Variants in SLIT2 observed in about 807,000 individuals in gnomAD.
The protein encoded by SLIT2 is slit guidance ligand 2, also known as slit homolog 2 protein.
Under a neutral mutation model 185.7 loss-of-function variants are expected in SLIT2, and 41 were observed. That is an observed-to-expected ratio of 0.22 (90% CI 0.17 to 0.29). The LOEUF is 0.29. Among genes scored for constraint, SLIT2 ranks in the 10% least tolerant of loss-of-function variants. SLIT2 has a pLI of 1.00. For synonymous variants in SLIT2, 693 were observed against 680.2 expected (o/e 1.02, Z -0.29); for missense variants, 1,571 against 1,909.0 (o/e 0.82, Z 3.30).
chr4:20,332,050 C>T (rs1370137106), intron 4 of SLIT2, among the ~76,000 whole-genome samples: 2 of 152,160 alleles, frequency 1.3e-5, no homozygotes, highest in Non-Finnish European at 2.9e-5. Flanking sequence ...GTTGTTTCCT[C>T]TTTTTAGCTG....
At chr4:20,581,660 C>A (rs766773597) in intron 29 of SLIT2, among the ~76,000 whole-genome samples, 9 of 152,182 alleles carry the variant, frequency 5.9e-5, no homozygotes, top group Non-Finnish European at 1.2e-4. Context: ...CACCCCTACC[C>A]TGTACAAGTG....
intron 4 of SLIT2, among the ~76,000 whole-genome samples, chr4:20,424,657 T>A (rs1221938216): frequency 1.3e-5 from 2 of 152,148 alleles, no homozygotes; most frequent in Non-Finnish European, 2.9e-5. Context: ...GCCAAGTGTG[T>A]CACTAAGAAA....
chr4:20,449,064 AT>A (rs932735502), intron 4 of SLIT2, among the ~76,000 whole-genome samples: 6 of 152,084 alleles, frequency 3.9e-5, no homozygotes, highest in African/African-American at 1.2e-4. Flanking sequence ...TTGAAAATTA[AT>A]TTTTTGTTAT....
chr4:20,558,583 G>T (rs755577703), intron 26 of SLIT2, among the ~76,000 whole-genome samples: 1 of 151,874 alleles, frequency 6.6e-6, no homozygotes, highest in Non-Finnish European at 1.5e-5. Context: ...ACTTTATTGC[G>T]GTAGTCTGGA....
rs79942993 is a variant in SLIT2, at chr4:20,457,562, C to T, written c.396-10190C>T. On this transcript the variant is annotated intron_variant, in intron 4 of 36. Transcript: ENST00000504154. The stretch of plus-strand genomic sequence containing the variant: ...CTTTTTTGATGATCATCTGCTGTCC[C>T]CAACACTTCAAGCAGTAACAGAGTA... Among the ~76,000 whole-genome samples, 24 of 152,006 alleles carry T rather than the reference C, an allele frequency of 1.6e-4. No individual in the cohort carries two copies. The East Asian group carries it at 4.7e-3, about 29-fold the overall frequency.
At chr4:20,425,871 A>G (rs58036148) in intron 4 of SLIT2, among the ~76,000 whole-genome samples, 17,769 of 152,158 alleles carry the variant, frequency 0.12, 1,067 homozygotes, top group African/African-American at 0.15. Context: ...ATGCTTTTTC[A>G]TATGTCCCTT....
At chr4:20,345,460 C>A (rs1721307965) in intron 4 of SLIT2, among the ~76,000 whole-genome samples, 1 of 151,692 alleles carries the variant, frequency 6.6e-6, no homozygotes, top group Non-Finnish European at 1.5e-5. Context: ...CTTTAAAAAT[C>A]TGGCTCTTTC....
intron 4 of SLIT2, among the ~76,000 whole-genome samples, chr4:20,331,071 A>G (rs2109199386): frequency 6.6e-6 from 1 of 152,240 alleles, no homozygotes; most frequent in Middle Eastern, 3.4e-3. Flanking sequence ...AGGACACATG[A>G]CTGTGTTGTA....
intron 9 of SLIT2, among the ~76,000 whole-genome samples, chr4:20,493,202 T>G (rs1717935586): frequency 6.6e-6 from 1 of 152,156 alleles, no homozygotes; most frequent in Non-Finnish European, 1.5e-5. Context: ...TAGTTGAACC[T>G]AATTAGAATA....
intron 29 of SLIT2, among the ~76,000 whole-genome samples, chr4:20,584,885 T>C (rs751327156): frequency 3.9e-5 from 6 of 152,022 alleles, no homozygotes; most frequent in African/African-American, 1.4e-4. Context: ...TGAAACCCCG[T>C]CTCTACTTAA....
intron 4 of SLIT2, among the ~76,000 whole-genome samples, chr4:20,462,412 A>G (rs1030216592): frequency 3.3e-5 from 5 of 152,172 alleles, no homozygotes; most frequent in Non-Finnish European, 7.3e-5. Flanking sequence ...AATCCTGTGC[A>G]TTGTTAGCAT....
At chr4:20,482,073 A>T (rs1302527250) in intron 6 of SLIT2, among the ~76,000 whole-genome samples, 1 of 152,026 alleles carries the variant, frequency 6.6e-6, no homozygotes, top group African/African-American at 2.4e-5. Flanking sequence ...AAACTCACTG[A>T]TGGTATCTCA....
intron 4 of SLIT2, among the ~76,000 whole-genome samples, chr4:20,386,558 C>T (rs1724951922): frequency 6.6e-6 from 1 of 152,132 alleles, no homozygotes; most frequent in Admixed American, 6.5e-5. Context: ...TGCAATAATA[C>T]CAATGTGCAA....
intron 8 of SLIT2, chr4:20,490,880 A>G: frequency 1.6e-6 from 2 of 1,256,702 alleles, no homozygotes; most frequent in Non-Finnish European, 2.2e-6. Context: ...TTAGAGGGAT[A>G]GAATTAGCAG....
intron 34 of SLIT2, among the ~76,000 whole-genome samples, chr4:20,611,678 C>A (rs919676907): frequency 6.6e-6 from 1 of 152,156 alleles, no homozygotes; most frequent in African/African-American, 2.4e-5. Context: ...ACAAGCATAC[C>A]TGTGATTTGA....
At chr4:20,312,922 G>T (rs1718252996) in intron 4 of SLIT2, among the ~76,000 whole-genome samples, 1 of 151,712 alleles carries the variant, frequency 6.6e-6, no homozygotes, top group Non-Finnish European at 1.5e-5. Context: ...ATGGAATTTT[G>T]TCTATAAGAA....
At chr4:20,418,620 T>A (rs747821519) in intron 4 of SLIT2, among the ~76,000 whole-genome samples, 18 of 152,206 alleles carry the variant, frequency 1.2e-4, no homozygotes, top group Admixed American at 9.8e-4. Flanking sequence ...CCCGATAGCA[T>A]ATGTTGTGCA....
At chr4:20,510,038 A>G (rs1335125975) in intron 9 of SLIT2, among the ~76,000 whole-genome samples, 3 of 152,188 alleles carry the variant, frequency 2.0e-5, no homozygotes, top group Non-Finnish European at 4.4e-5. Flanking sequence ...AACCGATCAT[A>G]TGCTTTCCAT....
chr4:20,256,479 G>T (rs1711853462), intron 1 of SLIT2, among the ~76,000 whole-genome samples, 193 bp from the exon 2 acceptor site: 1 of 152,162 alleles, frequency 6.6e-6, no homozygotes, highest in Non-Finnish European at 1.5e-5. Flanking sequence ...ATGCCAGCAA[G>T]AATGAACCTT....
Sources: gnomAD v4.1 joint callset for allele counts (sites outside exome capture counted in the v4.1 genomes callset) on GRCh38, gnomAD v4.1.1 for gene constraint, MANE v1.5 for transcripts, NCBI Gene and HGNC (gene_info 2026-07-23, HGNC 2026-07-21) for gene names.